The following LRRTM4 variants were observed in gnomAD, a reference collection of about 807,000 sequenced individuals.
LRRTM4 encodes the protein leucine-rich repeat transmembrane neuronal protein 4.
In LRRTM4, 25 loss-of-function variants were observed where a neutral mutation model predicts 47.6. The ratio of observed to expected loss-of-function variants is 0.53; its 90% CI spans 0.38 to 0.73. The LOEUF (loss-of-function observed/expected upper bound fraction) is 0.73, where lower values mean the gene tolerates loss of function less well. Ranked by LOEUF, LRRTM4 falls within the 30% of genes least tolerant of loss-of-function variation. The pLI is 0.00. For missense variants in LRRTM4, 638 were observed against 713.4 expected (o/e 0.89, Z 1.20); for synonymous variants, 311 against 269.5 (o/e 1.15, Z -1.51).
intron 3 of LRRTM4, among the ~76,000 whole-genome samples, chr2:76,890,096 A>T (rs1673204040): frequency 6.6e-6 from 1 of 151,808 alleles, no homozygotes; most frequent in South Asian, 2.1e-4. Flanking sequence ...TAGCACACAC[A>T]CTATCAAAAG....
chr2:77,203,117 A>G (rs777401403), intron 3 of LRRTM4, among the ~76,000 whole-genome samples: 279 of 151,872 alleles, frequency 1.8e-3, no homozygotes, highest in Non-Finnish European at 2.8e-3. Context: ...ACACACATAT[A>G]TACATATGTG....
intron 3 of LRRTM4, among the ~76,000 whole-genome samples, chr2:76,876,997 A>G (rs1558707795): frequency 6.6e-6 from 1 of 152,082 alleles, no homozygotes; most frequent in African/African-American, 2.4e-5. Context: ...TGCACACTAG[A>G]GAGTATACTT....
intron 3 of LRRTM4, among the ~76,000 whole-genome samples, chr2:77,062,852 T>C (rs574107617): frequency 1.3e-5 from 2 of 152,322 alleles, no homozygotes; most frequent in African/African-American, 4.8e-5. Flanking sequence ...ATAGTAGAAG[T>C]AGGCCTTCAT....
At chr2:77,179,019 C>G (rs1230048594) in intron 3 of LRRTM4, among the ~76,000 whole-genome samples, 1 of 152,082 alleles carries the variant, frequency 6.6e-6, no homozygotes, top group Non-Finnish European at 1.5e-5. Context: ...TTAGTCAAAT[C>G]ATTGTATTTT....
rs552383882 is a variant in LRRTM4 at position 76,890,234 on chromosome 2, T to A, written c.1552-141318A>T. Among the ~76,000 whole-genome samples, 99 of 152,048 alleles carry A rather than the reference T, an allele frequency of 6.5e-4. 1 individual carries two copies. The highest frequency in any genetic ancestry group is 4.3e-3 in the Admixed American group (66 of 15,242). Reference sequence around the variant, plus strand: ...ACACAGCTAGTGGTCTAGCACTGAGTGTGAATTAGAATCCAGGTCTCATGA... The same window carrying A: ...ACACAGCTAGTGGTCTAGCACTGAGAGTGAATTAGAATCCAGGTCTCATGA... On this transcript the variant is annotated intron_variant, in intron 3 of 3. Coordinates refer to ENST00000409884, the MANE Select transcript of LRRTM4 (RefSeq NM_001134745.3).
intron 3 of LRRTM4, among the ~76,000 whole-genome samples, chr2:77,320,174 C>G (rs1677746954): frequency 6.6e-6 from 1 of 152,044 alleles, no homozygotes; most frequent in African/African-American, 2.4e-5. Flanking sequence ...TCTGCCAAAT[C>G]CATTCATACT....
rs56149151 is a variant in LRRTM4, at chr2:77,123,213, C to CAGAGAGAGAGAGAGAG, written c.1552-374313_1552-374298dup. 6.0e-3 allele frequency among the ~76,000 whole-genome samples: 860 copies of CAGAGAGAGAGAGAGAG among 142,918 alleles called. 9 individuals carry two copies. Among genetic ancestry groups the CAGAGAGAGAGAGAGAG allele is most frequent in the African/African-American group, 0.022 (807 of 37,438 alleles). 93.8% of individuals were successfully genotyped at this position (142,918 alleles called of 152,430 possible). A position where few individuals can be genotyped will look rare whatever the true frequency, so the allele number is the denominator to read the frequency against. The stretch of plus-strand genomic sequence containing the variant: ...TCCTTTGTGTTCAGCTTCAGTCTCA[C>CAGAGAGAGAGAGAGAG]AGAGAGAGAGAGAGAGAGAGAGAGA... On this transcript the variant is annotated intron_variant, in intron 3 of 3. Coordinates refer to ENST00000409884, the MANE Select transcript of LRRTM4 (RefSeq NM_001134745.3).
At chr2:77,298,160 C>A (rs1677024043) in intron 3 of LRRTM4, among the ~76,000 whole-genome samples, 1 of 152,190 alleles carries the variant, frequency 6.6e-6, no homozygotes, top group South Asian at 2.1e-4. Context: ...AATCTATTAT[C>A]AAACGAATAC....
In LRRTM4 at chr2:77,381,899, T is replaced by C. The variant is rs143273884; in HGVS notation, c.1551+136419A>G. ...CTTCTTTTGGAAAAGAAGGAACTTA[T>C]TTATATGCCATTTATAATATGGTAC... On this transcript the variant is annotated intron_variant, in intron 3 of 3. Coordinates refer to ENST00000409884, the MANE Select transcript of LRRTM4 (RefSeq NM_001134745.3). Among the ~76,000 whole-genome samples the C allele has an allele frequency of 6.6e-4, 101 of 152,212 alleles. 1 individual carries two copies. In the East Asian group the frequency reaches 0.013, roughly 20 times the overall value.
intron 3 of LRRTM4, among the ~76,000 whole-genome samples, chr2:77,189,993 C>T (rs1384502669): frequency 6.6e-6 from 1 of 152,018 alleles, no homozygotes; most frequent in African/African-American, 2.4e-5. Flanking sequence ...AAATGAGATA[C>T]AATATGGAAA....
intron 3 of LRRTM4, among the ~76,000 whole-genome samples, chr2:77,420,399 A>T (rs1182744365): frequency 6.6e-6 from 1 of 152,192 alleles, no homozygotes; most frequent in Non-Finnish European, 1.5e-5. Context: ...CACACTCAAA[A>T]GTATGGGATT....
intron 3 of LRRTM4, among the ~76,000 whole-genome samples, chr2:76,909,192 T>C (rs1673959740): frequency 6.6e-6 from 1 of 152,112 alleles, no homozygotes; most frequent in Non-Finnish European, 1.5e-5. Flanking sequence ...TAATGCTGCT[T>C]ATCTACAACT....
At chr2:77,185,548 C>T (rs1365953047) in intron 3 of LRRTM4, among the ~76,000 whole-genome samples, 1 of 152,064 alleles carries the variant, frequency 6.6e-6, no homozygotes, top group Admixed American at 6.6e-5. Context: ...ACCAAGGTCA[C>T]ACAGCAAGCA....
intron 3 of LRRTM4, among the ~76,000 whole-genome samples, chr2:76,912,209 G>A (rs1484868871): frequency 1.3e-5 from 2 of 152,036 alleles, no homozygotes; most frequent in Non-Finnish European, 2.9e-5. Flanking sequence ...GTGAGCCACC[G>A]CCCCTGGCCG....
At chr2:76,926,698 C>G (rs1054789953) in intron 3 of LRRTM4, among the ~76,000 whole-genome samples, 1 of 152,060 alleles carries the variant, frequency 6.6e-6, no homozygotes, top group Non-Finnish European at 1.5e-5. Context: ...CTTGCCCTCT[C>G]TTTGTCCTTC....
intron 3 of LRRTM4, among the ~76,000 whole-genome samples, chr2:77,306,895 A>ATTTTTTTTTTTTTTTTTTT (rs1491512359): frequency 2.4e-5 from 3 of 125,586 alleles, no homozygotes; most frequent in African/African-American, 1.2e-4. Flanking sequence ...CTGCTTTTCC[A>ATTTTTTTTTTTTTTTTTTT]TATTTTTTTT....
chr2:77,202,199 A>T (rs1466379089), intron 3 of LRRTM4, among the ~76,000 whole-genome samples: 1 of 152,076 alleles, frequency 6.6e-6, no homozygotes, highest in Non-Finnish European at 1.5e-5. Flanking sequence ...AACTTATCAA[A>T]TTTCTTTGGG....
intron 3 of LRRTM4, among the ~76,000 whole-genome samples, chr2:77,042,971 T>C (rs931713639): frequency 2.6e-5 from 4 of 151,598 alleles, no homozygotes; most frequent in Admixed American, 6.6e-5. Flanking sequence ...GGTGGGCAGA[T>C]GGTGGGGGTT....
intron 3 of LRRTM4, among the ~76,000 whole-genome samples, chr2:77,400,257 G>A (rs1175809834): frequency 6.6e-6 from 1 of 150,850 alleles, no homozygotes; most frequent in African/African-American, 2.4e-5. Flanking sequence ...TGCGATTTTT[G>A]ATTTTTGCTC....
Sources: allele counts gnomAD v4.1 joint callset (sites outside exome capture counted in the v4.1 genomes callset), GRCh38; gene constraint gnomAD v4.1.1; transcripts MANE v1.5; gene names NCBI Gene and HGNC (gene_info 2026-07-23, HGNC 2026-07-21).